The following MAGI3 variants were observed in gnomAD, a reference collection of about 807,000 sequenced individuals.
The protein encoded by MAGI3 is membrane-associated guanylate kinase, WW and PDZ domain-containing protein 3.
Under a neutral mutation model 121.8 loss-of-function variants are expected in MAGI3, and 43 were observed. The ratio of observed to expected loss-of-function variants is 0.35; its 90% CI spans 0.28 to 0.46. MAGI3 has a LOEUF of 0.46. Ranked by LOEUF, MAGI3 falls within the 20% of genes least tolerant of loss-of-function variation. The pLI is 1.00. For synonymous variants in MAGI3, 553 were observed against 639.3 expected (o/e 0.86, Z 2.04); for missense variants, 1,547 against 1,797.3 (o/e 0.86, Z 2.52).
At position 113,422,728 on chromosome 1, in the gene MAGI3, C is replaced by T. The variant is rs1652790702; in HGVS notation, c.316+31379C>T. ...CCTGAAAGCTGAGAGATACCAGGAA[C>T]AGCAGAACCCTATTGCCCTCAGTGT... On this transcript the variant is annotated intron_variant, in intron 1 of 20. Transcript: ENST00000307546. This position sits in a 1 kb window ranked among gnomAD's most constrained non-coding sequence, Gnocchi z 4.3. Among the ~76,000 whole-genome samples the T allele has an allele frequency of 6.6e-6, 1 of 152,228 alleles. No individual in the cohort carries two copies. Among genetic ancestry groups the T allele is most frequent in the African/African-American group, 2.4e-5 (1 of 41,464 alleles).
chr1:113,506,894 G>A (rs145783923), intron 1 of MAGI3, among the ~76,000 whole-genome samples: 1 of 152,222 alleles, frequency 6.6e-6, no homozygotes, highest in Non-Finnish European at 1.5e-5. Flanking sequence ...CTGGGTAGTC[G>A]AGCTGGTGAC....
chr1:113,578,148 G>A (rs1010552685), intron 2 of MAGI3, among the ~76,000 whole-genome samples: 2 of 152,094 alleles, frequency 1.3e-5, no homozygotes, highest in Non-Finnish European at 2.9e-5. Flanking sequence ...GTTGGCTTGG[G>A]CTCTCTTTAT....
intron 9 of MAGI3, among the ~76,000 whole-genome samples, chr1:113,623,949 G>A (rs1651050882): frequency 6.6e-6 from 1 of 152,140 alleles, no homozygotes; most frequent in Non-Finnish European, 1.5e-5. Flanking sequence ...AGAAATGAGA[G>A]CATTCAAAGT....
chr1:113,585,367 T>G lies in MAGI3; in HGVS notation c.554-20T>G. ...TCACTGCAACATTAGTAATTTCAGC[T>G]GCTATTTTATTCACTTCAGGAAACT... is the stretch of plus-strand genomic sequence containing the variant. On this transcript the variant is annotated intron_variant, in intron 3 of 20. Transcript: ENST00000307546. 1 of 1,608,682 alleles carries G rather than the reference T, an allele frequency of 6.2e-7. No individual in the cohort carries two copies. Among genetic ancestry groups the G allele is most frequent in the Non-Finnish European group, 8.5e-7 (1 of 1,175,552 alleles).
intron 1 of MAGI3, among the ~76,000 whole-genome samples, chr1:113,494,760 C>T (rs1047451358): frequency 2.3e-4 from 35 of 152,062 alleles, no homozygotes; most frequent in African/African-American, 8.5e-4. Context: ...GCTCTTTTCC[C>T]TTTTGAATTT....
At chr1:113,511,001 A>G (rs2101610892) in intron 1 of MAGI3, among the ~76,000 whole-genome samples, 1 of 152,330 alleles carries the variant, frequency 6.6e-6, no homozygotes, top group South Asian at 2.1e-4. Flanking sequence ...TCACTAGACT[A>G]GGGACCCTTT....
chr1:113,566,982 AAAATC>A (rs1198436874), intron 2 of MAGI3, among the ~76,000 whole-genome samples: 1 of 151,920 alleles, frequency 6.6e-6, no homozygotes, highest in Non-Finnish European at 1.5e-5. Flanking sequence ...AAAAAAGAAA[AAAATC>A]AACCAAACCA....
intron 6 of MAGI3, among the ~76,000 whole-genome samples, chr1:113,610,119 GTTTT>G (rs1394482998): frequency 1.3e-5 from 2 of 151,710 alleles, no homozygotes; most frequent in Admixed American, 6.6e-5. Flanking sequence ...TTTACAAAGC[GTTTT>G]TTTGTTTGTT....
At chr1:113,659,737 G>GGGCAGCCGCTTTGTAAACAGGGTAAA (rs1653682510) in intron 16 of MAGI3, among the ~76,000 whole-genome samples, 1 of 152,180 alleles carries the variant, frequency 6.6e-6, no homozygotes, top group Non-Finnish European at 1.5e-5. Flanking sequence ...AGGAGTGCGT[G>GGGCAGCCGCTTTGTAAACAGGGTAAA]GGAATGGCTA....
At chr1:113,631,323 T>C (rs1651618569) in intron 9 of MAGI3, among the ~76,000 whole-genome samples, 1 of 152,092 alleles carries the variant, frequency 6.6e-6, no homozygotes, top group Non-Finnish European at 1.5e-5. Context: ...GTACTTTTAG[T>C]GTGTAGTTAG....
intron 1 of MAGI3, among the ~76,000 whole-genome samples, chr1:113,522,131 A>C (rs1020202856): frequency 6.6e-6 from 1 of 152,096 alleles, no homozygotes; most frequent in Non-Finnish European, 1.5e-5. Flanking sequence ...TTTTTGAGAC[A>C]GGGTCTCACT....
chr1:113,482,910 A>G (rs947991807), intron 1 of MAGI3, among the ~76,000 whole-genome samples: 2 of 151,486 alleles, frequency 1.3e-5, no homozygotes, highest in African/African-American at 2.4e-5. Context: ...GGCTCAAGCC[A>G]TCCTCCCACC....
intron 1 of MAGI3, among the ~76,000 whole-genome samples, chr1:113,425,679 T>C (rs1652973631): frequency 6.6e-6 from 1 of 152,214 alleles, no homozygotes; most frequent in Admixed American, 6.5e-5. Flanking sequence ...TTCAAAATTA[T>C]TGAATTTATG....
intron 2 of MAGI3, among the ~76,000 whole-genome samples, chr1:113,562,923 C>G (rs1660297535): frequency 1.3e-5 from 2 of 152,186 alleles, no homozygotes; most frequent in South Asian, 2.1e-4. Flanking sequence ...ACCAATTCTA[C>G]ACAAACTCTT....
intron 19 of MAGI3, among the ~76,000 whole-genome samples, chr1:113,674,526 T>G (rs895612145): frequency 6.6e-6 from 1 of 151,964 alleles, no homozygotes; most frequent in African/African-American, 2.4e-5. Flanking sequence ...TCAAAAGAAT[T>G]TTGGATTTCC....
At chr1:113,394,517 A>C (rs1400383311) in intron 1 of MAGI3, among the ~76,000 whole-genome samples, 1 of 152,200 alleles carries the variant, frequency 6.6e-6, no homozygotes, top group Non-Finnish European at 1.5e-5. Context: ...TACTATGACT[A>C]GGTTTAGTTT....
chr1:113,603,480 G>A (rs1294688067), intron 6 of MAGI3, among the ~76,000 whole-genome samples: 1 of 152,100 alleles, frequency 6.6e-6, no homozygotes, highest in Non-Finnish European at 1.5e-5. Context: ...TTGAGAAAGA[G>A]GGAATCTTCT....
At chr1:113,524,196 G>A (rs1053620515) in intron 1 of MAGI3, among the ~76,000 whole-genome samples, 2 of 152,174 alleles carry the variant, frequency 1.3e-5, no homozygotes, top group African/African-American at 4.8e-5. Flanking sequence ...TTTGCTGCGG[G>A]GATGGGGCAC....
chr1:113,476,638 C>G (rs566473811), intron 1 of MAGI3, among the ~76,000 whole-genome samples: 7 of 152,140 alleles, frequency 4.6e-5, no homozygotes, highest in Non-Finnish European at 1.0e-4. Flanking sequence ...AGCTTTACTT[C>G]CAATTATGTG....
Sources: allele counts gnomAD v4.1 joint callset (sites outside exome capture counted in the v4.1 genomes callset), GRCh38; gene constraint gnomAD v4.1.1; non-coding constraint Gnocchi (gnomAD v3.1); transcripts MANE v1.5; gene names NCBI Gene and HGNC (gene_info 2026-07-23, HGNC 2026-07-21).